Variants in KIF26B observed in about 807,000 individuals in gnomAD.
KIF26B encodes the protein kinesin-like protein KIF26B.
KIF26B carries 63 observed loss-of-function variants against 151.2 expected under a neutral mutation model. The observed-to-expected ratio is 0.42, with a 90% confidence interval of 0.34 to 0.51. The LOEUF (loss-of-function observed/expected upper bound fraction) is 0.51, where lower values mean the gene tolerates loss of function less well. Among genes scored for constraint, KIF26B ranks in the 20% least tolerant of loss-of-function variants. KIF26B has a pLI of 0.07. For synonymous variants in KIF26B, 1,357 were observed against 1,262.1 expected, an observed-to-expected ratio of 1.08 and a Z score of -1.59; for missense variants, 2,813 against 2,913.6, an observed-to-expected ratio of 0.97 and a Z score of 0.79.
chr1:245,232,246 A>G (rs1670013237), intron 2 of KIF26B, among the ~76,000 whole-genome samples: 1 of 152,236 alleles, frequency 6.6e-6, no homozygotes, highest in Non-Finnish European at 1.5e-5. Flanking sequence ...AAGCAAGAGA[A>G]GGGAAAAAGT....
At chr1:245,598,220 C>A (rs909576771) in intron 5 of KIF26B, among the ~76,000 whole-genome samples, 37 of 152,228 alleles carry the variant, frequency 2.4e-4, no homozygotes, top group Non-Finnish European at 4.4e-5. Flanking sequence ...GGCCAAGACT[C>A]GGGTTCCTGT....
intron 10 of KIF26B, among the ~76,000 whole-genome samples, chr1:245,681,575 G>A (rs61831275): frequency 1.4e-3 from 214 of 152,160 alleles, no homozygotes; most frequent in Non-Finnish European, 2.6e-3. Context: ...ATGCGCCTTC[G>A]GCCCATCTGT....
intron 4 of KIF26B, among the ~76,000 whole-genome samples, chr1:245,463,241 G>A (rs1004170061): frequency 2.0e-5 from 3 of 152,162 alleles, no homozygotes; most frequent in Admixed American, 1.3e-4. Context: ...CAATCCTCAC[G>A]TCAATCCCAC....
rs1661692465 is a variant in KIF26B at position 245,544,403 on chromosome 1, T to C, written c.1350+3453T>C. ...GAATCTCCAACGCTTGAGATGGCCCTGAAGGTGAGAGTGTTGTCACCCAGC... is the reference window on the plus strand; with the variant it reads ...GAATCTCCAACGCTTGAGATGGCCCCGAAGGTGAGAGTGTTGTCACCCAGC... On this transcript the variant is annotated intron_variant, in intron 5 of 14. Coordinates refer to ENST00000407071, the MANE Select transcript of KIF26B (RefSeq NM_018012.4). 2.0e-5 allele frequency among the ~76,000 whole-genome samples: 3 copies of C among 152,252 alleles called. No individual in the cohort carries two copies. In the South Asian group the frequency reaches 6.2e-4, roughly 32 times the overall value.
intron 2 of KIF26B, among the ~76,000 whole-genome samples, chr1:245,315,166 G>A (rs540671594): frequency 6.6e-6 from 1 of 152,114 alleles, no homozygotes; most frequent in East Asian, 1.9e-4. Context: ...GGCAACGAGA[G>A]CAAAACTCCA....
intron 3 of KIF26B, among the ~76,000 whole-genome samples, chr1:245,385,303 G>A (rs1673515885): frequency 6.6e-6 from 1 of 152,186 alleles, no homozygotes; most frequent in Non-Finnish European, 1.5e-5. Context: ...TAGACTAAGT[G>A]GAAAATAGAC....
rs1275282482 is a variant in KIF26B at position 245,685,925 on chromosome 1, A to G, written c.2942A>G (p.Asp981Gly). The change falls in exon 12 of 15, where the codon GAT (aspartate) becomes GGT (glycine). Residue 981 changes from aspartate (D) to glycine (G), a missense_variant. Physicochemically the swap from Asp to Gly is moderately conservative, Grantham distance 94. This residue lies in a region of KIF26B where 2,060 missense variants were observed against 2,088.6 expected (regional missense o/e 0.99). Transcript: ENST00000407071. The stretch of plus-strand genomic sequence containing the variant: ...CCACTCTCTGAGTCTGATAAGGAAG[A>G]TAATGGGTCCGAAGGTCAGCTGACC... ...ASPLSESDKEDNGSEGQLTNR... is the reference protein window; with the variant it reads ...ASPLSESDKEGNGSEGQLTNR... 2 of 1,612,754 alleles carry G rather than the reference A, an allele frequency of 1.2e-6. No homozygotes were observed. The highest frequency in any genetic ancestry group is 1.6e-4 in the Middle Eastern group (1 of 6,062).
At chr1:245,472,456 T>C (rs1659937263) in intron 4 of KIF26B, among the ~76,000 whole-genome samples, 2 of 152,160 alleles carry the variant, frequency 1.3e-5, no homozygotes, top group Admixed American at 1.3e-4. Context: ...TTGGAAATAT[T>C]TCTACTGTAC....
chr1:245,419,985 G>A (rs1658439780), intron 4 of KIF26B, among the ~76,000 whole-genome samples: 1 of 152,138 alleles, frequency 6.6e-6, no homozygotes, highest in South Asian at 2.1e-4. Flanking sequence ...CTCGATGTGT[G>A]CCCGCAGTAC....
chr1:245,220,589 C>G (rs867486778), intron 2 of KIF26B, among the ~76,000 whole-genome samples: 14 of 152,128 alleles, frequency 9.2e-5, no homozygotes, highest in Admixed American at 7.9e-4. Context: ...TGTACAATAT[C>G]CCAATAAAGC....
chr1:245,258,071 G>T (rs532466495), intron 2 of KIF26B, among the ~76,000 whole-genome samples: 1 of 152,266 alleles, frequency 6.6e-6, no homozygotes, highest in African/African-American at 2.4e-5. Flanking sequence ...ACATTCTCCG[G>T]TGGTGAGTTG....
At chr1:245,497,711 C>T (rs1050533953) in intron 4 of KIF26B, among the ~76,000 whole-genome samples, 16 of 152,268 alleles carry the variant, frequency 1.1e-4, no homozygotes, top group Non-Finnish European at 1.9e-4. Context: ...AACTAACCCA[C>T]ACATTATTAT....
chr1:245,203,029 T>C lies in KIF26B; in HGVS notation c.465+46346T>C, dbSNP rs545304291. 3.9e-4 allele frequency among the ~76,000 whole-genome samples: 59 copies of C among 149,446 alleles called. 1 individual carries two copies. Among genetic ancestry groups the C allele is most frequent in the African/African-American group, 1.4e-3 (56 of 40,652 alleles). ...CAGCACTTTGGGAGGCCGAGGAGGG[T>C]GGATCATGAGGTCAGGAGTTTGAGA... On this transcript the variant is annotated intron_variant, in intron 2 of 14. Transcript: ENST00000407071.
At chr1:245,325,052 G>A (rs1374160167) in intron 2 of KIF26B, among the ~76,000 whole-genome samples, 3 of 144,590 alleles carry the variant, frequency 2.1e-5, no homozygotes, top group African/African-American at 2.6e-5. Flanking sequence ...TCAAGATCAC[G>A]CCACTGCACT....
chr1:245,403,140 T>TA (rs1339220151), intron 3 of KIF26B, among the ~76,000 whole-genome samples: 1 of 151,918 alleles, frequency 6.6e-6, no homozygotes, highest in Non-Finnish European at 1.5e-5. Flanking sequence ...GGCTAATTTT[T>TA]AAAAAAATTT....
At chr1:245,249,616 G>A (rs1670406084) in intron 2 of KIF26B, among the ~76,000 whole-genome samples, 2 of 151,346 alleles carry the variant, frequency 1.3e-5, no homozygotes, top group African/African-American at 4.9e-5. Flanking sequence ...CCTAGTAGCT[G>A]GGACTACAGG....
chr1:245,656,027 CAG>C (rs1230936639), intron 10 of KIF26B, among the ~76,000 whole-genome samples: 5 of 152,178 alleles, frequency 3.3e-5, no homozygotes, highest in Admixed American at 6.5e-5. Context: ...ACCAAACATA[CAG>C]AGAAAATAAT....
chr1:245,574,318 A>G (rs1046519889), intron 5 of KIF26B, among the ~76,000 whole-genome samples: 1 of 151,852 alleles, frequency 6.6e-6, no homozygotes, highest in Non-Finnish European at 1.5e-5. Context: ...TAATTTTTGT[A>G]TTTTTGGTAG....
Position 245,454,131 on chromosome 1 carries a change from G to A in KIF26B, c.1166+34386G>A, listed in dbSNP as rs184520353. On this transcript the variant is annotated intron_variant, in intron 4 of 14. Transcript: ENST00000407071. ...ATATTGGTTTTAATGAGATCCTAGG[G>A]CTCCATTTTAGAGCTACTAGAAGTT... 2.0e-5 allele frequency among the ~76,000 whole-genome samples: 3 copies of A among 152,252 alleles called. No individual in the cohort carries two copies. In the East Asian group the frequency reaches 5.8e-4, roughly 29 times the overall value.
Sources: allele counts gnomAD v4.1 joint callset (sites outside exome capture counted in the v4.1 genomes callset), GRCh38; gene constraint gnomAD v4.1.1; regional missense constraint gnomAD v4.1.1; transcripts MANE v1.5; gene names NCBI Gene and HGNC (gene_info 2026-07-23, HGNC 2026-07-21).